The following COL27A1 variants were observed in gnomAD, a reference collection of about 807,000 sequenced individuals.
COL27A1 encodes collagen alpha-1(XXVII) chain.
Under a neutral mutation model 251.3 loss-of-function variants are expected in COL27A1, and 106 were observed. The ratio of observed to expected loss-of-function variants is 0.42; its 90% confidence interval spans 0.36 to 0.50. COL27A1 has a LOEUF of 0.50. Among genes scored for constraint, COL27A1 ranks in the 20% least tolerant of loss-of-function variants. COL27A1 has a pLI of 0.00. For missense variants in COL27A1, 2,325 were observed against 2,522.8 expected, an observed-to-expected ratio of 0.92 and a Z score of 1.68; for synonymous variants, 1,000 against 986.3, an observed-to-expected ratio of 1.01 and a Z score of -0.26.
chr9:114,289,952 G>C (rs1161540560), intron 45 of COL27A1, 106 bp from the exon 46 acceptor site: 1 of 1,278,402 alleles, frequency 7.8e-7, no homozygotes, highest in Non-Finnish European at 1.1e-6. Context: ...TGTGGCATCA[G>C]ATGTTCACCC....
rs57925371 is a variant in COL27A1 at position 114,206,214 on chromosome 9, C to A, written c.2224-38C>A. 1,055 of 1,609,428 alleles carry A rather than the reference C, an allele frequency of 6.6e-4. 19 individuals carry two copies. The East Asian group carries it at 0.023, about 35-fold the overall frequency. On this transcript the variant is annotated intron_variant, in intron 9 of 60. Coordinates refer to ENST00000356083, the MANE Select transcript of COL27A1 (RefSeq NM_032888.4). Reference sequence around the variant, plus strand: ...CCAGGATTGGCAGCAGGTAGAGCGTCTCCATATGTCCTTGCCCCTCTGTGT... The same window carrying A: ...CCAGGATTGGCAGCAGGTAGAGCGTATCCATATGTCCTTGCCCCTCTGTGT...
Position 114,252,637 on chromosome 9 carries a change from G to A in COL27A1, c.3078G>A (p.Lys1026=). 1.2e-6 allele frequency: 2 copies of A among 1,613,910 alleles called. No individual in the cohort carries two copies. Among genetic ancestry groups the A allele is most frequent in the Non-Finnish European group, 1.7e-6 (2 of 1,179,962 alleles). The change falls in exon 26 of 61, where the codon AAG becomes AAA. Residue 1026 remains lysine, a synonymous_variant. Coordinates refer to ENST00000356083, the MANE Select transcript of COL27A1 (RefSeq NM_032888.4). The part of the protein sequence containing the change: ...MMGPPGVPGP[K]GSMGHPGMPG... ...GACCCCCAGGCGTGCCTGGACCCAA[G>A]GGGTCGATGGTAAGGAGTAAGTCTG... is the stretch of plus-strand genomic sequence containing the variant.
intron 13 of COL27A1, among the ~76,000 whole-genome samples, chr9:114,220,926 T>G (rs1588690440): frequency 7.3e-6 from 1 of 137,468 alleles, no homozygotes; most frequent in Non-Finnish European, 1.5e-5. Flanking sequence ...ACCCAGGAGG[T>G]GGAGGTTGCA....
chr9:114,212,960 C>T (rs1052167090), intron 12 of COL27A1, among the ~76,000 whole-genome samples: 3 of 152,328 alleles, frequency 2.0e-5, no homozygotes, highest in East Asian at 1.9e-4. Flanking sequence ...TCAGGCCAGC[C>T]TCCAGGGCCA....
chr9:114,173,144 G>T lies in COL27A1; in HGVS notation c.1908+3681G>T, dbSNP rs914739576. On this transcript the variant is annotated intron_variant, in intron 3 of 60. Transcript: ENST00000356083. ...CATGGAAAAATTGAGCTTGGCCCTG[G>T]GTGAGTTGGGGCGGGGAGGCCGTGG... is the stretch of plus-strand genomic sequence containing the variant. 7.9e-5 allele frequency among the ~76,000 whole-genome samples: 12 copies of T among 151,584 alleles called. No individual in the cohort carries two copies. The East Asian group carries it at 2.3e-3, about 29-fold the overall frequency.
intron 7 of COL27A1, among the ~76,000 whole-genome samples, chr9:114,204,046 A>G (rs1829759859): frequency 6.6e-6 from 1 of 152,018 alleles, no homozygotes; most frequent in Admixed American, 6.6e-5. Context: ...GAGGGTCTAC[A>G]GGTTTGAGCG....
At chr9:114,214,242 G>A (rs1013295720) in intron 12 of COL27A1, among the ~76,000 whole-genome samples, 1 of 152,166 alleles carries the variant, frequency 6.6e-6, no homozygotes, top group African/African-American at 2.4e-5. Context: ...CTCCTGTCGT[G>A]AATGGTTTTT....
At chr9:114,307,836 CT>C in intron 59 of COL27A1, 58 bp downstream of exon 59, 1 of 1,321,840 alleles carries the variant, frequency 7.6e-7, no homozygotes, top group Non-Finnish European at 1.1e-6. Flanking sequence ...CCAGCCTGCC[CT>C]GGGCCACAAC....
At chr9:114,301,345 G>A in intron 53 of COL27A1, 26 bp downstream of exon 53, 3 of 1,073,458 alleles carry the variant, frequency 2.8e-6, no homozygotes, top group Non-Finnish European at 2.8e-6. Context: ...GGGGCTGAGG[G>A]ATGCAGCACT....
chr9:114,206,220 A>G, intron 9 of COL27A1, 32 bp from the exon 10 acceptor site: 1 of 1,611,786 alleles, frequency 6.2e-7, no homozygotes, highest in Non-Finnish European at 8.5e-7. Flanking sequence ...GCGTCTCCAT[A>G]TGTCCTTGCC....
Position 114,275,666 on chromosome 9 carries a change from C to T in COL27A1, c.3615C>T (p.Asp1205=), listed in dbSNP as rs2135666072. The T allele has an allele frequency of 6.5e-7, 1 of 1,548,238 alleles. No individual in the cohort carries two copies. The highest frequency in any genetic ancestry group is 8.7e-7 in the Non-Finnish European group (1 of 1,145,462). Residue 1205 remains aspartate, a synonymous_variant, in exon 37 of 61, where the codon GAC becomes GAT. Coordinates refer to ENST00000356083, the MANE Select transcript of COL27A1 (RefSeq NM_032888.4). ...CTTCATGCCCTGCCACCCAGGGGGA[C>T]AGGGGAGACCCAGGGCCTGATGGAG... The part of the protein sequence containing the change: ...GPMGPDGLKG[D]RGDPGPDGEH...
At chr9:114,230,024 A>C (rs775396550) in intron 14 of COL27A1, among the ~76,000 whole-genome samples, 1 of 152,212 alleles carries the variant, frequency 6.6e-6, no homozygotes, top group African/African-American at 2.4e-5. Context: ...TTTACATGTG[A>C]AATCAGTTTC....
chr9:114,178,452 C>G (rs1827642767), intron 4 of COL27A1, 108 bp downstream of exon 4: 1 of 973,910 alleles, frequency 1.0e-6, no homozygotes, highest in Non-Finnish European at 1.7e-6. Flanking sequence ...CTTCCCTCCC[C>G]CTCTCTGGCA....
At chr9:114,298,532 A>G (rs1828401879) in intron 49 of COL27A1, among the ~76,000 whole-genome samples, 1 of 152,218 alleles carries the variant, frequency 6.6e-6, no homozygotes, top group Non-Finnish European at 1.5e-5. Flanking sequence ...TGCTAGGGCA[A>G]TTGAATGGGA....
At chr9:114,291,791 CG>C (rs1412610337) in intron 48 of COL27A1, among the ~76,000 whole-genome samples, 16 of 151,894 alleles carry the variant, frequency 1.1e-4, no homozygotes, top group Non-Finnish European at 5.9e-5. Flanking sequence ...AGGCATTCTA[CG>C]AGTGTGAGCT....
chr9:114,223,138 G>A (rs1306267877), intron 14 of COL27A1, among the ~76,000 whole-genome samples: 1 of 152,124 alleles, frequency 6.6e-6, no homozygotes. Flanking sequence ...GGGCCCAGCC[G>A]CAGGGGCCAG....
At chr9:114,286,754 A>T (rs946326286) in intron 41 of COL27A1, among the ~76,000 whole-genome samples, 13 of 61,208 alleles carry the variant, frequency 2.1e-4, no homozygotes, top group African/African-American at 3.0e-4. Flanking sequence ...TAATAGAATT[A>T]AAAAAAAATG....
intron 36 of COL27A1, chr9:114,274,075 C>T (rs1835326591): frequency 6.6e-6 from 1 of 152,154 alleles, no homozygotes; most frequent in South Asian, 2.1e-4. Context: ...AACCCTGTCT[C>T]TACTAAAAAT....
In COL27A1 at chr9:114,198,539, A is replaced by G. The variant is rs2135263622; in HGVS notation, c.2124+2527A>G. 1.3e-5 allele frequency among the ~76,000 whole-genome samples: 2 copies of G among 152,286 alleles called. 1 individual carries two copies. Among genetic ancestry groups the G allele is most frequent in the South Asian group, 4.2e-4 (2 of 4,818 alleles). On this transcript the variant is annotated intron_variant, in intron 7 of 60. Coordinates refer to ENST00000356083, the MANE Select transcript of COL27A1 (RefSeq NM_032888.4). ...TGTTTCCCACATGCAGTCAAGAATGAGAGGCACCAATTTAATGGAAATACC... is the reference window on the plus strand; with the variant it reads ...TGTTTCCCACATGCAGTCAAGAATGGGAGGCACCAATTTAATGGAAATACC...
Sources: gnomAD v4.1 joint callset for allele counts (sites outside exome capture counted in the v4.1 genomes callset) on GRCh38, gnomAD v4.1.1 for gene constraint, MANE v1.5 for transcripts, NCBI Gene and HGNC (gene_info 2026-07-23, HGNC 2026-07-21) for gene names.